Variants in WDR11 observed in about 807,000 individuals in gnomAD.
WDR11 encodes WD repeat-containing protein 11.
Under a neutral mutation model 151.2 loss-of-function variants are expected in WDR11, and 83 were observed. That is an observed-to-expected ratio of 0.55 (90% CI 0.46 to 0.66). The LOEUF (loss-of-function observed/expected upper bound fraction) is 0.66, where lower values mean the gene tolerates loss of function less well. WDR11 is among the 30% of genes least tolerant of loss of function. The probability of loss-of-function intolerance (pLI) is 0.00; values close to 1 mark genes in which losing one functional copy is unlikely to be tolerated. For missense variants in WDR11, 1,301 were observed against 1,480.9 expected (o/e 0.88, Z 1.99); for synonymous variants, 484 against 533.1 (o/e 0.91, Z 1.27).
At chr10:120,889,641 C>A in intron 17 of WDR11, 1 of 510,144 alleles carries the variant, frequency 2.0e-6, no homozygotes. Context: ...GTCCCTTCAC[C>A]TAAACTTGGG....
intron 11 of WDR11, among the ~76,000 whole-genome samples, chr10:120,875,603 C>G (rs1394132524): frequency 6.6e-6 from 1 of 152,178 alleles, no homozygotes; most frequent in Non-Finnish European, 1.5e-5. Flanking sequence ...CTCCTGGTTT[C>G]AGGTGATTCT....
intron 11 of WDR11, 98 bp downstream of exon 11, chr10:120,874,021 G>A: frequency 1.3e-6 from 1 of 786,328 alleles, no homozygotes; most frequent in Admixed American, 1.8e-5. Context: ...TATCTGCAGT[G>A]GTGATTATTT....
intron 17 of WDR11, 21 bp downstream of exon 17, chr10:120,889,205 C>G: frequency 1.3e-6 from 2 of 1,485,624 alleles, no homozygotes; most frequent in East Asian, 2.3e-5. Context: ...AGAATGAAAT[C>G]TTGTTATTTC....
intron 26 of WDR11, chr10:120,905,649 C>T: frequency 7.0e-6 from 6 of 856,942 alleles, no homozygotes; most frequent in Non-Finnish European, 1.1e-5. Flanking sequence ...TCCTCTTTCT[C>T]CCAGAGTCTG....
intron 10 of WDR11, among the ~76,000 whole-genome samples, chr10:120,872,065 C>T (rs749357740): frequency 6.6e-6 from 1 of 152,168 alleles, no homozygotes; most frequent in Non-Finnish European, 1.5e-5. Flanking sequence ...AAGATGCTAT[C>T]GGCTGGCTTC....
intron 6 of WDR11, 107 bp from the exon 7 acceptor site, chr10:120,865,523 A>ATT: frequency 3.9e-6 from 3 of 762,432 alleles, no homozygotes; most frequent in Admixed American, 3.0e-5. Context: ...GGATTTGTCT[A>ATT]TTTTTTTTTC....
chr10:120,865,331 A>G (rs745744313), intron 6 of WDR11, 119 bp downstream of exon 6: 18 of 1,043,670 alleles, frequency 1.7e-5, no homozygotes, highest in Non-Finnish European at 2.4e-5. Flanking sequence ...CAATTTATCA[A>G]AAGACTAGCA....
chr10:120,908,246 C>G (rs1848143918), intron 28 of WDR11: 1 of 373,426 alleles, frequency 2.7e-6, no homozygotes, highest in Non-Finnish European at 5.1e-6. Flanking sequence ...TCTTATCATT[C>G]ATCTTCCAAT....
In WDR11 at chr10:120,883,832, A is replaced by G; in HGVS notation, c.1792A>G (p.Arg598Gly). The G allele has an allele frequency of 6.2e-7, 1 of 1,613,602 alleles. No homozygotes were observed. Among genetic ancestry groups the G allele is most frequent in the Non-Finnish European group, 8.5e-7 (1 of 1,179,644 alleles). ...RDKPLELWDVRTCTLLREMSK... is the reference protein window; with the variant it reads ...RDKPLELWDVGTCTLLREMSK... ...TAAACCCCTGGAGCTATGGGATGTT[A>G]GGACTTGTACCCTTCTTAGAGAGAT... Residue 598 changes from arginine to glycine, a missense_variant, in exon 14 of 29, where the codon AGG becomes GGG. By Grantham distance (125) the Arg-to-Gly change is moderately radical (BLOSUM62 -2). Coordinates refer to ENST00000263461, the MANE Select transcript of WDR11 (RefSeq NM_018117.12).
chr10:120,851,927 G>A (rs754972512), intron 1 of WDR11: 32 of 270,932 alleles, frequency 1.2e-4, no homozygotes, highest in African/African-American at 7.2e-4. Flanking sequence ...CCCTGTGCTA[G>A]GCGCCTGTTC....
intron 19 of WDR11, 107 bp from the exon 20 acceptor site, chr10:120,899,922 A>G (rs1847752014): frequency 2.3e-6 from 2 of 887,832 alleles, no homozygotes; most frequent in East Asian, 5.1e-5. Flanking sequence ...GTTGTTCCAG[A>G]TTTACCTGTT....
Position 120,866,994 on chromosome 10 carries a change from A to G in WDR11, c.1191-72A>G, listed in dbSNP as rs1846337939. 3.9e-6 allele frequency: 5 copies of G among 1,290,496 alleles called. No individual in the cohort carries two copies. In the East Asian group the frequency reaches 1.2e-4, roughly 30 times the overall value. 79.9% of individuals were successfully genotyped at this position (1,290,496 alleles called of 1,614,324 possible). On this transcript the variant is annotated intron_variant, in intron 8 of 28. Transcript: ENST00000263461. ...AGATAGAATGCCATAATCTGGACTT[A>G]ATACTTTGAATTCCTAATACGTAAT...
In WDR11 at chr10:120,904,138, G is replaced by A. The variant is rs145781191; in HGVS notation, c.3023G>A (p.Gly1008Asp). 118 of 1,608,918 alleles carry A rather than the reference G, an allele frequency of 7.3e-5. No homozygotes were observed. The highest frequency in any genetic ancestry group is 9.4e-5 in the Non-Finnish European group (110 of 1,175,698). ...TGTACAGACCAGCTACTGCTCTTGG[G>A]TCAAGTATGTCAGTTTTTATAACTC... ...RKCTDQLLLL[G>D]QTDRAVQLLL... Residue 1008 changes from glycine (G) to aspartate (D), a missense_variant, in exon 24 of 29, where the codon GGT (glycine) becomes GAT (aspartate). Coordinates refer to ENST00000263461, the MANE Select transcript of WDR11 (RefSeq NM_018117.12).
In WDR11 at chr10:120,865,700, G is replaced by T; in HGVS notation, c.950G>T (p.Arg317Leu). 1.2e-6 allele frequency: 2 copies of T among 1,610,734 alleles called. No individual in the cohort carries two copies. The highest frequency in any genetic ancestry group is 1.7e-6 in the Non-Finnish European group (2 of 1,178,994). Residue 317 changes from arginine to leucine, a missense_variant, in exon 7 of 29, where the codon CGA becomes CTA. By Grantham distance (102) the Arg-to-Leu change is moderately radical (BLOSUM62 -2). Transcript: ENST00000263461. The stretch of plus-strand genomic sequence containing the variant: ...AATGGTTGTATAACTTTACGTGTTC[G>T]AAGATCTTATAATAACATTTTTACC... ...HENGCITLRV[R>L]RSYNNIFTTS... is the part of the protein sequence containing the mutation.
chr10:120,851,863 GTCTTT>G (rs1845788262), intron 1 of WDR11: 3 of 378,776 alleles, frequency 7.9e-6, no homozygotes, highest in Non-Finnish European at 9.9e-6. Context: ...TTCCCATCCT[GTCTTT>G]TCTTTTTCGT....
Position 120,869,111 on chromosome 10 carries a change from T to G in WDR11, c.1294+1942T>G, listed in dbSNP as rs964873868. ...CTAAGTGATATAAATTACAGGTTTTTTTTTTTTTTTTTTTTTTGAGACGGA... is the reference window on the plus strand; with the variant it reads ...CTAAGTGATATAAATTACAGGTTTTGTTTTTTTTTTTTTTTTTGAGACGGA... On this transcript the variant is annotated intron_variant, in intron 9 of 28. Transcript: ENST00000263461. 1.3e-4 allele frequency among the ~76,000 whole-genome samples: 19 copies of G among 143,800 alleles called. 1 individual carries two copies. Among genetic ancestry groups the G allele is most frequent in the East Asian group, 1.2e-3 (6 of 5,010 alleles). The allele number at this position is 143,800 out of a possible 152,430, so 94.3% of individuals were successfully genotyped here.
intron 1 of WDR11, chr10:120,851,721 CCT>C: frequency 1.6e-6 from 1 of 618,878 alleles, no homozygotes; most frequent in Non-Finnish European, 2.9e-6. Flanking sequence ...ATACATTTCC[CCT>C]CTTTCTCGCG....
intron 20 of WDR11, 53 bp downstream of exon 20, chr10:120,900,190 A>T: frequency 6.7e-7 from 1 of 1,491,194 alleles, no homozygotes. Flanking sequence ...GTTGAAAGAC[A>T]CCCATGAAAG....
chr10:120,882,880 A>G (rs912292480), intron 13 of WDR11, among the ~76,000 whole-genome samples: 2 of 152,012 alleles, frequency 1.3e-5, no homozygotes, highest in Admixed American at 1.3e-4. Context: ...TCCTTTTTTT[A>G]CATAGTTTTC....
Sources: gnomAD v4.1 joint callset for allele counts (sites outside exome capture counted in the v4.1 genomes callset) on GRCh38, gnomAD v4.1.1 for gene constraint, MANE v1.5 for transcripts, NCBI Gene and HGNC (gene_info 2026-07-23, HGNC 2026-07-21) for gene names.